Variants in ARHGAP22 observed in about 807,000 individuals in gnomAD.
The protein encoded by ARHGAP22 is rho GTPase-activating protein 22.
A neutral mutation model predicts 59.1 loss-of-function variants in ARHGAP22; 48 were observed. The observed-to-expected ratio is 0.81, with a 90% CI of 0.64 to 1.03. The LOEUF (loss-of-function observed/expected upper bound fraction) is 1.03, where lower values mean the gene tolerates loss of function less well. Among genes scored for constraint, ARHGAP22 ranks in the 50% least tolerant of loss-of-function variants. The pLI, the probability that ARHGAP22 is intolerant of heterozygous loss-of-function variation, is 0.00. For missense variants in ARHGAP22, 1,015 were observed against 958.7 expected (o/e 1.06, Z -0.78); for synonymous variants, 445 against 416.4 (o/e 1.07, Z -0.84).
chr10:48,583,425 C>T (rs983840450), intron 1 of ARHGAP22, among the ~76,000 whole-genome samples: 3 of 152,220 alleles, frequency 2.0e-5, no homozygotes, highest in Non-Finnish European at 4.4e-5. Flanking sequence ...CTTCATTCCT[C>T]CACATTTGTT....
At chr10:48,606,890 G>T (rs895790021), upstream of ARHGAP22, among the ~76,000 whole-genome samples, 1 of 152,120 alleles carries the variant, frequency 6.6e-6, no homozygotes, top group Non-Finnish European at 1.5e-5. Flanking sequence ...GGCTGACTCA[G>T]GCCAGAAGCC....
At chr10:48,458,500 G>T (rs916454098) in intron 5 of ARHGAP22, among the ~76,000 whole-genome samples, 5 of 152,140 alleles carry the variant, frequency 3.3e-5, no homozygotes, top group Admixed American at 2.6e-4. Flanking sequence ...CAGACGGCCT[G>T]TGCCACTCCA....
intron 1 of ARHGAP22, among the ~76,000 whole-genome samples, chr10:48,648,337 TG>T (rs1453826822): frequency 1.3e-5 from 2 of 152,114 alleles, no homozygotes; most frequent in Admixed American, 1.3e-4. Flanking sequence ...CAGGATGTGG[TG>T]GGACTGCACT....
intron 1 of ARHGAP22, among the ~76,000 whole-genome samples, chr10:48,626,683 A>G (rs565266080): frequency 1.8e-4 from 27 of 152,318 alleles, no homozygotes; most frequent in African/African-American, 6.3e-4. Flanking sequence ...TGTCCCCAGG[A>G]CACTCATGTG....
At chr10:48,467,199 A>T (rs2047806166) in intron 4 of ARHGAP22, among the ~76,000 whole-genome samples, 1 of 152,198 alleles carries the variant, frequency 6.6e-6, no homozygotes, top group South Asian at 2.1e-4. Context: ...TATATTACAG[A>T]GAATCAGAGA....
intron 1 of ARHGAP22, among the ~76,000 whole-genome samples, chr10:48,603,415 C>T (rs144708157): frequency 7.4e-4 from 112 of 152,186 alleles, no homozygotes; most frequent in African/African-American, 2.6e-3. Flanking sequence ...TTATTTAACC[C>T]AATATATCCA....
At chr10:48,473,349 A>G (rs2133986385) in intron 4 of ARHGAP22, among the ~76,000 whole-genome samples, 1 of 152,340 alleles carries the variant, frequency 6.6e-6, no homozygotes, top group South Asian at 2.1e-4. Flanking sequence ...AGAAAGCCAG[A>G]GTTTCAGTTT....
At chr10:48,506,790 C>T (rs1009325576) in intron 3 of ARHGAP22, among the ~76,000 whole-genome samples, 7 of 152,112 alleles carry the variant, frequency 4.6e-5, no homozygotes, top group Non-Finnish European at 1.0e-4. Context: ...TTATGTGACA[C>T]GAGGGCCTAG....
At chr10:48,485,517 G>A (rs1043111752) in intron 3 of ARHGAP22, among the ~76,000 whole-genome samples, 1 of 152,154 alleles carries the variant, frequency 6.6e-6, no homozygotes, top group Non-Finnish European at 1.5e-5. Flanking sequence ...TGGTCTAGTT[G>A]AAAGTTTTGT....
the ARHGAP22 span, chr10:48,436,213 T>C: frequency 1.3e-5 from 2 of 152,238 alleles, no homozygotes; most frequent in Admixed American, 1.3e-4. Flanking sequence ...GACTGTTTCT[T>C]CACATTGAGC....
chr10:48,539,740 G>A lies in ARHGAP22; in HGVS notation c.322+15723C>T, dbSNP rs375271862. On this transcript the variant is annotated intron_variant, in intron 3 of 9. Transcript: ENST00000249601. ...TCCATAGAAAATATTGATAATCAGT[G>A]TTGGTATTTTAGCAATGTAGGGAAT... 2.6e-5 allele frequency among the ~76,000 whole-genome samples: 4 copies of A among 152,298 alleles called. No homozygotes were observed. The East Asian group carries it at 7.7e-4, about 29-fold the overall frequency.
At chr10:48,478,955 T>C (rs1451607657) in intron 4 of ARHGAP22, 1 of 152,552 alleles carries the variant, frequency 6.6e-6, no homozygotes, top group Non-Finnish European at 1.5e-5. Context: ...GTGTGTCTCC[T>C]GCTCTGAGCT....
intron 3 of ARHGAP22, among the ~76,000 whole-genome samples, chr10:48,529,520 G>T (rs928091150): frequency 6.6e-6 from 1 of 152,162 alleles, no homozygotes; most frequent in Non-Finnish European, 1.5e-5. Flanking sequence ...TGAGACTGTT[G>T]TGCTGCAAGA....
At chr10:48,527,008 C>T (rs2054386699) in intron 3 of ARHGAP22, among the ~76,000 whole-genome samples, 1 of 152,150 alleles carries the variant, frequency 6.6e-6, no homozygotes, top group African/African-American at 2.4e-5. Context: ...TATGTGTTTC[C>T]CACCATGTGC....
At chr10:48,629,779 T>A (rs1237348535) in intron 1 of ARHGAP22, among the ~76,000 whole-genome samples, 3 of 152,198 alleles carry the variant, frequency 2.0e-5, no homozygotes, top group African/African-American at 7.2e-5. Context: ...TCTATATAGA[T>A]CAATTTGGGA....
intron 3 of ARHGAP22, among the ~76,000 whole-genome samples, chr10:48,541,451 TCA>T (rs2055920917): frequency 6.6e-6 from 1 of 152,232 alleles, no homozygotes; most frequent in African/African-American, 2.4e-5. Context: ...TGTCTCTGTG[TCA>T]CAGAACCGTG....
chr10:48,539,789 G>T (rs2055754966), intron 3 of ARHGAP22, among the ~76,000 whole-genome samples: 1 of 152,090 alleles, frequency 6.6e-6, no homozygotes, highest in Non-Finnish European at 1.5e-5. Flanking sequence ...CCTTCATGTT[G>T]TTTTTCTCTG....
chr10:48,508,314 A>T (rs1028657017), intron 3 of ARHGAP22, among the ~76,000 whole-genome samples: 1 of 152,210 alleles, frequency 6.6e-6, no homozygotes, highest in Non-Finnish European at 1.5e-5. Context: ...ACCAGCTGTT[A>T]CTGGGGACAT....
At chr10:48,440,466 G>C in the ARHGAP22 span, among the ~76,000 whole-genome samples, 3 of 152,190 alleles carry the variant, frequency 2.0e-5, no homozygotes, top group Admixed American at 2.0e-4. Context: ...CACAGGGATT[G>C]ATTAGAGGAA....
Sources: allele counts gnomAD v4.1 joint callset (sites outside exome capture counted in the v4.1 genomes callset), GRCh38; gene constraint gnomAD v4.1.1; transcripts MANE v1.5; gene names NCBI Gene and HGNC (gene_info 2026-07-23, HGNC 2026-07-21).